ZNG1A: variants seen among roughly 807,000 people sequenced by gnomAD.
ZNG1A encodes the protein zinc-regulated GTPase metalloprotein activator 1A.
the ZNG1A span, among the ~76,000 whole-genome samples, chr9:158,924 T>A: frequency 6.6e-6 from 1 of 152,122 alleles, no homozygotes; most frequent in African/African-American, 2.4e-5. Flanking sequence ...CCTTCCCAAG[T>A]CAAACTCTGC....
At chr9:169,854 C>CTTTTTTTTTTT in the ZNG1A span, among the ~76,000 whole-genome samples, 20 of 53,974 alleles carry the variant, frequency 3.7e-4, no homozygotes, top group African/African-American at 1.1e-3. Flanking sequence ...ATAAACACAG[C>CTTTTTTTTTTT]TTTTTTTTTT....
At chr9:130,386 A>G in the ZNG1A span, among the ~76,000 whole-genome samples, 2 of 132,974 alleles carry the variant, frequency 1.5e-5, no homozygotes, top group Middle Eastern at 3.6e-3. Flanking sequence ...CTATATTGAG[A>G]ATGTCGCAAA....
chr9:163,911 G>C, the ZNG1A span: 3 of 1,429,558 alleles, frequency 2.1e-6, no homozygotes, highest in African/African-American at 1.5e-5. Flanking sequence ...GGGCAACAAA[G>C]TGAGACTCTG....
chr9:141,266 A>G, the ZNG1A span, among the ~76,000 whole-genome samples: 5,723 of 105,380 alleles, frequency 0.054, 86 homozygotes, highest in East Asian at 0.12. Context: ...GAAATGAAGG[A>G]AAAAATGTTA....
chr9:171,297 T>C, the ZNG1A span, among the ~76,000 whole-genome samples: 1 of 151,876 alleles, frequency 6.6e-6, no homozygotes. Flanking sequence ...AATACTTTAA[T>C]ATAGTTTTAC....
chr9:139,742 C>T, the ZNG1A span, among the ~76,000 whole-genome samples: 1 of 151,584 alleles, frequency 6.6e-6, no homozygotes, highest in African/African-American at 2.4e-5. Flanking sequence ...CCATTTCCAT[C>T]TGAGGTACCG....
the ZNG1A span, chr9:177,915 C>G: frequency 6.7e-7 from 1 of 1,502,688 alleles, no homozygotes; most frequent in Non-Finnish European, 9.0e-7. Flanking sequence ...TTAAAAAAAA[C>G]AAAAGCAGTT....
the ZNG1A span, among the ~76,000 whole-genome samples, chr9:126,909 T>C: frequency 2.0e-5 from 3 of 152,224 alleles, no homozygotes; most frequent in East Asian, 1.9e-4. Context: ...GTTTGAGGAA[T>C]TGTTACATTT....
chr9:121,454 A>C, the ZNG1A span: 4 of 1,609,776 alleles, frequency 2.5e-6, no homozygotes, highest in Non-Finnish European at 3.4e-6. Flanking sequence ...TTTGATAAGA[A>C]ATGCCTCTAG....
the ZNG1A span, among the ~76,000 whole-genome samples, chr9:169,339 A>G: frequency 6.8e-6 from 1 of 147,252 alleles, no homozygotes; most frequent in African/African-American, 2.6e-5. Context: ...CTGCAATCTC[A>G]TAAGAAAACT....
the ZNG1A span, among the ~76,000 whole-genome samples, chr9:128,759 G>C: frequency 6.6e-6 from 1 of 150,512 alleles, no homozygotes; most frequent in Non-Finnish European, 1.5e-5. Flanking sequence ...ACCTTGTTTT[G>C]TCATACTACC....
chr9:142,851 A>G, the ZNG1A span, among the ~76,000 whole-genome samples: 6 of 98,172 alleles, frequency 6.1e-5, no homozygotes, highest in Non-Finnish European at 1.2e-4. Flanking sequence ...ATAAAAAATG[A>G]TAAAGGGGAT....
the ZNG1A span, chr9:147,209 G>A: frequency 7.2e-6 from 1 of 138,894 alleles, no homozygotes; most frequent in Non-Finnish European, 1.5e-5. Context: ...AACAGCAGAG[G>A]ACAGTGATTT....
chr9:165,585 G>C, the ZNG1A span, among the ~76,000 whole-genome samples: 1 of 130,488 alleles, frequency 7.7e-6, no homozygotes, highest in Non-Finnish European at 1.6e-5. Context: ...GTCTGAAGAT[G>C]TTTTTGGTTG....
the ZNG1A span, among the ~76,000 whole-genome samples, chr9:157,470 T>C: frequency 7.6e-6 from 1 of 131,276 alleles, no homozygotes; most frequent in East Asian, 2.1e-4. Context: ...TACTCTCTAT[T>C]TGAAGCCAAC....
chr9:176,489 T>C, the ZNG1A span, among the ~76,000 whole-genome samples: 1 of 151,844 alleles, frequency 6.6e-6, no homozygotes, highest in Admixed American at 6.6e-5. Context: ...ATACATGTCT[T>C]CTGAAATACA....
At chr9:163,444 T>G in the ZNG1A span, among the ~76,000 whole-genome samples, 1 of 152,098 alleles carries the variant, frequency 6.6e-6, no homozygotes, top group African/African-American at 2.4e-5. Flanking sequence ...AAAACCTTAG[T>G]GGAAGCACTA....
At chr9:144,366 G>C in the ZNG1A span, among the ~76,000 whole-genome samples, 3 of 148,208 alleles carry the variant, frequency 2.0e-5, no homozygotes, top group Non-Finnish European at 4.5e-5. Flanking sequence ...CCATGGAACA[G>C]AACAGAGCCC....
the ZNG1A span, chr9:166,438 T>C: frequency 1.3e-5 from 2 of 151,998 alleles, no homozygotes; most frequent in Non-Finnish European, 2.9e-5. Context: ...AGAAGAAACA[T>C]GTATGCATAT....
Sources: allele counts gnomAD v4.1 joint callset (sites outside exome capture counted in the v4.1 genomes callset), GRCh38; gene constraint gnomAD v4.1.1; transcripts MANE v1.5; gene names NCBI Gene and HGNC (gene_info 2026-07-23, HGNC 2026-07-21).